The following PCDH9 variants were observed in gnomAD, a reference collection of about 807,000 sequenced individuals.
PCDH9 encodes the protein protocadherin-9.
Under a neutral mutation model 70.6 loss-of-function variants are expected in PCDH9, and 24 were observed. The ratio of observed to expected loss-of-function variants is 0.34; its 90% CI spans 0.25 to 0.48. PCDH9 has a LOEUF of 0.48. Among genes scored for constraint, PCDH9 ranks in the 20% least tolerant of loss-of-function variants. PCDH9 has a pLI of 0.99. For synonymous variants in PCDH9, 562 were observed against 558.5 expected (o/e 1.01, Z -0.09); for missense variants, 1,281 against 1,503.6 (o/e 0.85, Z 2.45).
At chr13:66,861,808 C>T (rs763482338) in intron 3 of PCDH9, among the ~76,000 whole-genome samples, 22 of 151,776 alleles carry the variant, frequency 1.4e-4, no homozygotes, top group Non-Finnish European at 2.8e-4. Context: ...GAAATAGTGC[C>T]GACATTATAC....
intron 3 of PCDH9, among the ~76,000 whole-genome samples, chr13:66,736,219 C>T (rs1014248488): frequency 6.6e-6 from 1 of 152,110 alleles, no homozygotes; most frequent in Non-Finnish European, 1.5e-5. Flanking sequence ...TGTTGAAGCC[C>T]TAACCCCCCA....
intron 3 of PCDH9, among the ~76,000 whole-genome samples, chr13:66,890,448 CTTTTTTTTTT>C (rs36076373): frequency 3.0e-5 from 3 of 100,564 alleles, no homozygotes. Flanking sequence ...GACTTCTGAA[CTTTTTTTTTT>C]TTTTTTTTTT....
chr13:66,327,186 GAAAAACCTCCAC>G (rs796418252), intron 4 of PCDH9, among the ~76,000 whole-genome samples: 50 of 152,210 alleles, frequency 3.3e-4, no homozygotes, highest in African/African-American at 1.1e-3. Context: ...GGATGCTAAG[GAAAAACCTCCAC>G]AGTAACCCTG....
intron 4 of PCDH9, among the ~76,000 whole-genome samples, chr13:66,380,876 TC>T (rs964496156): frequency 6.6e-6 from 1 of 152,090 alleles, no homozygotes; most frequent in African/African-American, 2.4e-5. Flanking sequence ...AAATCACATT[TC>T]CCTCCATGGT....
intron 4 of PCDH9, among the ~76,000 whole-genome samples, chr13:66,561,150 G>A (rs1414789628): frequency 2.0e-5 from 3 of 152,222 alleles, no homozygotes; most frequent in African/African-American, 4.8e-5. Context: ...GGCAGGCCCC[G>A]CACTCGGAGC....
At chr13:66,352,973 A>C (rs1956316516) in intron 4 of PCDH9, among the ~76,000 whole-genome samples, 1 of 152,178 alleles carries the variant, frequency 6.6e-6, no homozygotes, top group Non-Finnish European at 1.5e-5. Context: ...TGCAGCCATG[A>C]TCAATACAAA....
intron 2 of PCDH9, among the ~76,000 whole-genome samples, chr13:67,186,757 T>C (rs546547080): frequency 1.7e-4 from 26 of 152,328 alleles, no homozygotes; most frequent in African/African-American, 6.0e-4. Context: ...ATTCATTAGA[T>C]ATACTAATGT....
intron 3 of PCDH9, among the ~76,000 whole-genome samples, chr13:66,755,984 TTAA>T (rs2079533278): frequency 6.9e-6 from 1 of 144,302 alleles, no homozygotes; most frequent in African/African-American, 2.9e-5. Flanking sequence ...TGGTGCCTTA[TTAA>T]TAATGATTGC....
At chr13:66,701,208 T>G (rs1358719331) in intron 3 of PCDH9, among the ~76,000 whole-genome samples, 1 of 151,682 alleles carries the variant, frequency 6.6e-6, no homozygotes, top group Non-Finnish European at 1.5e-5. Flanking sequence ...TAGTCTTGGA[T>G]GCTTTCATTT....
intron 2 of PCDH9, among the ~76,000 whole-genome samples, chr13:67,178,363 T>C (rs1254176078): frequency 1.3e-5 from 2 of 152,106 alleles, no homozygotes; most frequent in Non-Finnish European, 2.9e-5. Flanking sequence ...GGGTCAATAA[T>C]ATATTGGAAA....
In PCDH9 at chr13:66,612,832, T is replaced by A. The variant is rs530473137; in HGVS notation, c.3340+18378A>T. Among the ~76,000 whole-genome samples the A allele has an allele frequency of 1.3e-5, 2 of 152,202 alleles. 1 individual carries two copies. The highest frequency in any genetic ancestry group is 4.1e-4 in the South Asian group (2 of 4,820). ...TTGAGAGTCCATGTTTCTGCTTTTT[T>A]TTTTCCTTTTCACCCAATAACACCC... On this transcript the variant is annotated intron_variant, in intron 4 of 4. Coordinates refer to ENST00000377865, the MANE Select transcript of PCDH9 (RefSeq NM_203487.3).
rs1960450230 is a variant in PCDH9, at chr13:66,531,454, G to A, written c.3340+99756C>T. On this transcript the variant is annotated intron_variant, in intron 4 of 4. Coordinates refer to ENST00000377865, the MANE Select transcript of PCDH9 (RefSeq NM_203487.3). ...CGAAAGCACTGTTGTGAACATCAAG[G>A]CAGAATATTAAAATAAACGGATAGT... Among the ~76,000 whole-genome samples the A allele has an allele frequency of 2.0e-5, 3 of 151,966 alleles. No homozygotes were observed. In the South Asian group the frequency reaches 6.2e-4, roughly 32 times the overall value.
chr13:67,038,631 T>C (rs1355340259), intron 2 of PCDH9, among the ~76,000 whole-genome samples: 3 of 152,210 alleles, frequency 2.0e-5, no homozygotes, highest in Admixed American at 6.5e-5. Context: ...ACAAATCTAA[T>C]ACTCAAAAAC....
intron 2 of PCDH9, chr13:67,224,282 G>A (rs948283079): frequency 6.6e-6 from 1 of 152,148 alleles, no homozygotes; most frequent in South Asian, 2.1e-4. Context: ...AAGAGCAAGC[G>A]AATGAACTTA....
At chr13:67,017,260 T>C (rs1216311954) in intron 2 of PCDH9, among the ~76,000 whole-genome samples, 1 of 152,238 alleles carries the variant, frequency 6.6e-6, no homozygotes, top group Admixed American at 6.5e-5. Flanking sequence ...AATGTGGCTA[T>C]GTATAAACCA....
chr13:66,848,296 A>G (rs1475249781), intron 3 of PCDH9, among the ~76,000 whole-genome samples: 2 of 152,244 alleles, frequency 1.3e-5, no homozygotes, highest in Non-Finnish European at 2.9e-5. Flanking sequence ...TTTAAACTCT[A>G]CAATTACATT....
At chr13:66,987,104 T>C (rs1315852769) in intron 2 of PCDH9, among the ~76,000 whole-genome samples, 1 of 152,038 alleles carries the variant, frequency 6.6e-6, no homozygotes, top group African/African-American at 2.4e-5. Flanking sequence ...TTACTTAAAT[T>C]TATTACAATG....
chr13:66,695,235 G>A (rs2078545637), intron 3 of PCDH9, among the ~76,000 whole-genome samples: 1 of 152,180 alleles, frequency 6.6e-6, no homozygotes, highest in Non-Finnish European at 1.5e-5. Context: ...TGTATAAACT[G>A]AAACCAGTTT....
chr13:66,587,530 C>T (rs928592809), intron 4 of PCDH9, among the ~76,000 whole-genome samples: 1 of 152,092 alleles, frequency 6.6e-6, no homozygotes, highest in African/African-American at 2.4e-5. Context: ...TATTTAGCTG[C>T]TGTCATCACT....
Sources: gnomAD v4.1 joint callset for allele counts (sites outside exome capture counted in the v4.1 genomes callset) on GRCh38, gnomAD v4.1.1 for gene constraint, MANE v1.5 for transcripts, NCBI Gene and HGNC (gene_info 2026-07-23, HGNC 2026-07-21) for gene names.